The following PCDH17 variants were observed in gnomAD, a reference collection of about 807,000 sequenced individuals.
The protein encoded by PCDH17 is protocadherin-17.
Under a neutral mutation model 67.7 loss-of-function variants are expected in PCDH17, and 21 were observed. The observed-to-expected ratio is 0.31, with a 90% confidence interval of 0.22 to 0.45. PCDH17 has a LOEUF of 0.45. Ranked by LOEUF, PCDH17 falls within the 20% of genes least tolerant of loss-of-function variation. PCDH17 has a pLI of 1.00. For synonymous variants in PCDH17, 701 were observed against 656.7 expected, an observed-to-expected ratio of 1.07 and a Z score of -1.03; for missense variants, 1,471 against 1,564.8, an observed-to-expected ratio of 0.94 and a Z score of 1.01.
At chr13:57,661,940 A>AC (rs1405100326) in intron 1 of PCDH17, among the ~76,000 whole-genome samples, 2 of 151,890 alleles carry the variant, frequency 1.3e-5, no homozygotes, top group African/African-American at 2.4e-5. Flanking sequence ...GCTCACTGAA[A>AC]CCTCCGCCTC....
At chr13:57,659,842 C>A (rs1261753602) in intron 1 of PCDH17, among the ~76,000 whole-genome samples, 1 of 152,120 alleles carries the variant, frequency 6.6e-6, no homozygotes, top group Non-Finnish European at 1.5e-5. Context: ...GAAGCTACTA[C>A]TTTGCAACAA....
chr13:57,639,321 G>A (rs1954862533), intron 1 of PCDH17, among the ~76,000 whole-genome samples: 1 of 151,784 alleles, frequency 6.6e-6, no homozygotes, highest in Admixed American at 6.6e-5. Context: ...GATATTCAAT[G>A]TTTAGAGTTT....
upstream of PCDH17, among the ~76,000 whole-genome samples, chr13:57,631,495 C>A (rs1051578660): frequency 1.2e-4 from 18 of 152,178 alleles, no homozygotes; most frequent in Non-Finnish European, 2.5e-4. Flanking sequence ...GGAGAGAAGT[C>A]CTTGCTCGCG....
At position 57,632,071 on chromosome 13, in the gene PCDH17, C is replaced by G. The variant is rs987128486; in HGVS notation, c.-476C>G. ...ACACACCTCCCTGCTCCCTCCCCCACTCGATGTGAAGAGTATTCCGGAGTC... is the reference window on the plus strand; with the variant it reads ...ACACACCTCCCTGCTCCCTCCCCCAGTCGATGTGAAGAGTATTCCGGAGTC... On this transcript the variant is annotated 5_prime_UTR_variant, in exon 1 of 4. Transcript: ENST00000377918. 9 of 197,108 alleles carry G rather than the reference C, an allele frequency of 4.6e-5. No individual in the cohort carries two copies. Among genetic ancestry groups the G allele is most frequent in the African/African-American group, 2.1e-4 (9 of 41,992 alleles). 12.2% of individuals were successfully genotyped at this position (197,108 alleles called of 1,614,324 possible). A position where few individuals can be genotyped will look rare whatever the true frequency, so the allele number is the denominator to read the frequency against.
At chr13:57,680,776 G>C (rs1369100711) in intron 3 of PCDH17, among the ~76,000 whole-genome samples, 1 of 151,476 alleles carries the variant, frequency 6.6e-6, no homozygotes, top group Non-Finnish European at 1.5e-5. Context: ...AAATTATTCT[G>C]AACAATAAGC....
chr13:57,707,092 A>ACAC (rs1295468029), intron 3 of PCDH17, among the ~76,000 whole-genome samples: 1 of 152,078 alleles, frequency 6.6e-6, no homozygotes, highest in Non-Finnish European at 1.5e-5. Context: ...AGAAGTAACC[A>ACAC]CACCACACAC....
At chr13:57,692,039 T>A (rs1437055622) in intron 3 of PCDH17, among the ~76,000 whole-genome samples, 2 of 151,232 alleles carry the variant, frequency 1.3e-5, no homozygotes, top group Admixed American at 1.3e-4. Context: ...GAAGTTAAAA[T>A]GCTTATAAAA....
chr13:57,705,303 A>C (rs1955711765), intron 3 of PCDH17, among the ~76,000 whole-genome samples: 1 of 152,030 alleles, frequency 6.6e-6, no homozygotes, highest in African/African-American at 2.4e-5. Flanking sequence ...CCTTTTAATA[A>C]ATGTATAAAT....
intron 3 of PCDH17, among the ~76,000 whole-genome samples, chr13:57,705,980 A>C (rs1955717564): frequency 6.6e-6 from 1 of 151,914 alleles, no homozygotes; most frequent in African/African-American, 2.4e-5. Context: ...GAGCCATTGA[A>C]TTCCAGCCTG....
chr13:57,653,649 T>C (rs1207319661), intron 1 of PCDH17, among the ~76,000 whole-genome samples: 1 of 152,088 alleles, frequency 6.6e-6, no homozygotes, highest in Non-Finnish European at 1.5e-5. Context: ...GGTGAGATCA[T>C]CCTATAAAAT....
At chr13:57,708,178 T>A (rs899995293) in intron 3 of PCDH17, among the ~76,000 whole-genome samples, 4 of 151,996 alleles carry the variant, frequency 2.6e-5, no homozygotes, top group East Asian at 1.9e-4. Context: ...GACTACTGAG[T>A]TTGGATTATT....
At chr13:57,652,902 C>A (rs564361829) in intron 1 of PCDH17, among the ~76,000 whole-genome samples, 3 of 152,166 alleles carry the variant, frequency 2.0e-5, no homozygotes, top group African/African-American at 4.8e-5. Context: ...TAAAGTACTG[C>A]AACTTGGTTC....
chr13:57,707,334 C>CGTGTGTGTGTGTGTGTGTGTGTGT (rs56840875), intron 3 of PCDH17, among the ~76,000 whole-genome samples: 1 of 145,714 alleles, frequency 6.9e-6, no homozygotes, highest in African/African-American at 2.5e-5. Context: ...GATATATGAC[C>CGTGTGTGTGTGTGTGTGTGTGTGT]GTGTGTGTGT....
At chr13:57,635,721 T>A (rs1381803061) in intron 1 of PCDH17, among the ~76,000 whole-genome samples, 1 of 152,254 alleles carries the variant, frequency 6.6e-6, no homozygotes, top group Non-Finnish European at 1.5e-5. Context: ...TGCAGCATAA[T>A]GCATTAATAC....
intron 3 of PCDH17, among the ~76,000 whole-genome samples, chr13:57,711,262 C>T (rs902047866): frequency 1.3e-5 from 2 of 151,900 alleles, no homozygotes; most frequent in Non-Finnish European, 2.9e-5. Flanking sequence ...CTGGTGCATA[C>T]ATGCACAGGC....
rs201858878 is a variant in PCDH17, at chr13:57,725,003, C to T, written c.3189C>T (p.Ala1063=). The change falls in exon 4 of 4, where the codon GCC becomes GCT. Residue 1063 remains alanine, a synonymous_variant. Coordinates refer to ENST00000377918, the MANE Select transcript of PCDH17 (RefSeq NM_001040429.3). ...SLDGCEAKPG[A]LAEASSQYLP... ...ATGGCTGTGAAGCAAAACCAGGAGC[C>T]CTGGCTGAAGCAAGCAGTCAGTACT... The T allele has an allele frequency of 6.2e-7, 1 of 1,614,006 alleles. No individual in the cohort carries two copies. The highest frequency in any genetic ancestry group is 1.3e-5 in the African/African-American group (1 of 74,914).
chr13:57,718,637 A>T (rs1361535051), intron 3 of PCDH17, among the ~76,000 whole-genome samples: 1 of 152,042 alleles, frequency 6.6e-6, no homozygotes, highest in Non-Finnish European at 1.5e-5. Context: ...AGAACTGTGT[A>T]TGTTAGAAAA....
At chr13:57,709,272 A>G (rs2138086592) in intron 3 of PCDH17, among the ~76,000 whole-genome samples, 1 of 151,952 alleles carries the variant, frequency 6.6e-6, no homozygotes, top group African/African-American at 2.4e-5. Flanking sequence ...AACCTTGGTA[A>G]CTAGGGATAT....
At chr13:57,669,995 G>T (rs1955300339) in intron 3 of PCDH17, among the ~76,000 whole-genome samples, 1 of 151,930 alleles carries the variant, frequency 6.6e-6, no homozygotes, top group Admixed American at 6.6e-5. Context: ...GGCATTTATA[G>T]GTAGGAAAGT....
Sources: gnomAD v4.1 joint callset for allele counts (sites outside exome capture counted in the v4.1 genomes callset) on GRCh38, gnomAD v4.1.1 for gene constraint, MANE v1.5 for transcripts, NCBI Gene and HGNC (gene_info 2026-07-23, HGNC 2026-07-21) for gene names.